Variants in SEMA6A observed in about 807,000 individuals in gnomAD.
SEMA6A encodes the protein semaphorin 6A.
In SEMA6A, 25 loss-of-function variants were observed where a neutral mutation model predicts 96.8. That is an observed-to-expected ratio of 0.26 (90% CI 0.19 to 0.36). The LOEUF (loss-of-function observed/expected upper bound fraction) is 0.36. SEMA6A is among the 10% of genes least tolerant of loss of function. The pLI is 1.00. For missense variants in SEMA6A, 1,363 were observed against 1,323.1 expected, an observed-to-expected ratio of 1.03 and a Z score of -0.47; for synonymous variants, 612 against 518.0, an observed-to-expected ratio of 1.18 and a Z score of -2.46.
chr5:116,501,070 G>C (rs910566178), intron 3 of SEMA6A, among the ~76,000 whole-genome samples: 2 of 151,326 alleles, frequency 1.3e-5, no homozygotes, highest in Non-Finnish European at 3.0e-5. Context: ...ACAGTGTAGA[G>C]CCAGGAAAGA....
chr5:116,475,292 T>A (rs1259068638), intron 16 of SEMA6A, among the ~76,000 whole-genome samples: 2 of 152,194 alleles, frequency 1.3e-5, no homozygotes, highest in Non-Finnish European at 2.9e-5. Flanking sequence ...CTACAATTAA[T>A]ATCCTCTAGG....
At chr5:116,519,656 G>A (rs1413430198) in intron 1 of SEMA6A, among the ~76,000 whole-genome samples, 1 of 140,850 alleles carries the variant, frequency 7.1e-6, no homozygotes, top group East Asian at 2.0e-4. Context: ...CTATAACGAT[G>A]CTGTGTGTAC....
chr5:116,541,499 A>G (rs756419955), intron 1 of SEMA6A, among the ~76,000 whole-genome samples: 1 of 152,204 alleles, frequency 6.6e-6, no homozygotes, highest in Non-Finnish European at 1.5e-5. Flanking sequence ...TGTCAGTACT[A>G]AGTTCGCATT....
chr5:116,485,133 A>C (rs1481004926), intron 10 of SEMA6A, among the ~76,000 whole-genome samples: 1 of 152,212 alleles, frequency 6.6e-6, no homozygotes, highest in Admixed American at 6.5e-5. Context: ...TACCAAACAA[A>C]TATGATTTCT....
At chr5:116,542,682 G>A (rs1213791614) in intron 1 of SEMA6A, among the ~76,000 whole-genome samples, 1 of 152,234 alleles carries the variant, frequency 6.6e-6, no homozygotes, top group Non-Finnish European at 1.5e-5. Flanking sequence ...TTTGCAGAAA[G>A]TGGAGCACCG....
At chr5:116,508,111 G>A (rs1439535642) in intron 1 of SEMA6A, 5 of 152,100 alleles carry the variant, frequency 3.3e-5, no homozygotes, top group South Asian at 2.1e-4. Context: ...TGGTTGCCAT[G>A]AGCCAAATGA....
At position 116,447,009 on chromosome 5, in the gene SEMA6A, A is replaced by G. The variant is rs746035304; in HGVS notation, c.2697T>C (p.Gly899=). The G allele has an allele frequency of 1.2e-6, 2 of 1,613,774 alleles. No homozygotes were observed. Among genetic ancestry groups the G allele is most frequent in the Non-Finnish European group, 1.7e-6 (2 of 1,179,846 alleles). The part of the protein sequence containing the change: ...GPPGASLSQT[G]LSKRLEMHHS... ...GGTGCATTTCCAGCCGCTTGCTTAGACCGGTCTGAGACAGGGAGGCTCCCG... is the reference window on the plus strand; with the variant it reads ...GGTGCATTTCCAGCCGCTTGCTTAGGCCGGTCTGAGACAGGGAGGCTCCCG... Residue 899 remains glycine (G), a synonymous_variant, in exon 19 of 19, where the codon GGT becomes GGC. Coordinates refer to ENST00000343348, the MANE Select transcript of SEMA6A (RefSeq NM_020796.5).
Position 116,521,261 on chromosome 5 carries a change from G to A in SEMA6A, c.-38-16279C>T, listed in dbSNP as rs140493684. Among the ~76,000 whole-genome samples, 21 of 152,320 alleles carry A rather than the reference G, an allele frequency of 1.4e-4. 1 individual carries two copies. The highest frequency in any genetic ancestry group is 1.2e-3 in the South Asian group (6 of 4,824). ...TGTGTGGCCTTCCTGGGACTGTCAA[G>A]CACTGGCTTGTTACTAAGGCTCGAT... On this transcript the variant is annotated intron_variant, in intron 1 of 18. Coordinates refer to ENST00000343348, the MANE Select transcript of SEMA6A (RefSeq NM_020796.5).
rs553062457 is a variant in SEMA6A at position 116,572,041 on chromosome 5, G to A, written c.-39+2144C>T. Among the ~76,000 whole-genome samples, 187 of 152,202 alleles carry A rather than the reference G, an allele frequency of 1.2e-3. 1 individual carries two copies. The highest frequency in any genetic ancestry group is 5.7e-4 in the Non-Finnish European group (39 of 68,002). ...ATGTGTCCACCAGGGGAAGGACGAC[G>A]AACAATTTCAGGACTAAAGAAAGAC... On this transcript the variant is annotated intron_variant, in intron 1 of 18. Coordinates refer to ENST00000343348, the MANE Select transcript of SEMA6A (RefSeq NM_020796.5).
At chr5:116,505,459 G>GCACGCA (rs1758103779) in intron 1 of SEMA6A, among the ~76,000 whole-genome samples, 1 of 127,830 alleles carries the variant, frequency 7.8e-6, no homozygotes, top group African/African-American at 3.4e-5. Flanking sequence ...ACACGCACGC[G>GCACGCA]CACACACACA....
intron 1 of SEMA6A, among the ~76,000 whole-genome samples, chr5:116,567,654 A>G (rs567223252): frequency 4.6e-5 from 7 of 152,194 alleles, no homozygotes; most frequent in Non-Finnish European, 7.3e-5. Context: ...AAATGGCAAA[A>G]CAAATCCACG....
intron 1 of SEMA6A, among the ~76,000 whole-genome samples, chr5:116,519,158 A>C (rs1205579918): frequency 6.6e-6 from 1 of 152,208 alleles, no homozygotes; most frequent in Non-Finnish European, 1.5e-5. Context: ...TGCTGTGTTG[A>C]GCTCCAGTCT....
chr5:116,564,274 A>G (rs1278593673), intron 1 of SEMA6A, among the ~76,000 whole-genome samples: 1 of 152,238 alleles, frequency 6.6e-6, no homozygotes, highest in Admixed American at 6.5e-5. Context: ...TAAAAAGGAA[A>G]AAAATGACTG....
intron 17 of SEMA6A, chr5:116,472,557 G>A (rs1344391920): frequency 8.2e-6 from 2 of 242,434 alleles, no homozygotes; most frequent in Non-Finnish European, 1.6e-5. Context: ...TCAGTTAGGA[G>A]CATTATTCCT....
chr5:116,531,907 A>G (rs1223811015), intron 1 of SEMA6A, among the ~76,000 whole-genome samples: 1 of 152,080 alleles, frequency 6.6e-6, no homozygotes, highest in African/African-American at 2.4e-5. Flanking sequence ...ACTCTGGCTC[A>G]TACCCCTGCT....
At chr5:116,492,835 A>G (rs1014862348) in intron 6 of SEMA6A, among the ~76,000 whole-genome samples, 1 of 152,192 alleles carries the variant, frequency 6.6e-6, no homozygotes, top group South Asian at 2.1e-4. Context: ...AAGACTGGTC[A>G]TTGTTTTCAC....
chr5:116,462,398 T>A (rs1646722557), intron 18 of SEMA6A, among the ~76,000 whole-genome samples: 1 of 152,154 alleles, frequency 6.6e-6, no homozygotes, highest in Non-Finnish European at 1.5e-5. Context: ...GCAAAATAGA[T>A]GAAAAGTGGA....
intron 8 of SEMA6A, among the ~76,000 whole-genome samples, 184 bp from the exon 9 acceptor site, chr5:116,488,380 T>TA (rs1296461403): frequency 6.6e-6 from 1 of 152,242 alleles, no homozygotes; most frequent in Non-Finnish European, 1.5e-5. Flanking sequence ...CATTCACACT[T>TA]ACACATTATC....
At chr5:116,529,076 A>G (rs750665984) in intron 1 of SEMA6A, among the ~76,000 whole-genome samples, 35 of 152,326 alleles carry the variant, frequency 2.3e-4, no homozygotes, top group Non-Finnish European at 4.0e-4. Context: ...TATTAACCTC[A>G]TGCATGAAAA....
Sources: allele counts gnomAD v4.1 joint callset (sites outside exome capture counted in the v4.1 genomes callset), GRCh38; gene constraint gnomAD v4.1.1; transcripts MANE v1.5; gene names NCBI Gene and HGNC (gene_info 2026-07-23, HGNC 2026-07-21).